The following MAN1C1 variants were observed in gnomAD, a reference collection of about 807,000 sequenced individuals.
The protein encoded by MAN1C1 is mannosidase alpha class 1C member 1.
Under a neutral mutation model 71.5 loss-of-function variants are expected in MAN1C1, and 49 were observed. The observed-to-expected ratio is 0.69, with a 90% CI of 0.54 to 0.87. The LOEUF (loss-of-function observed/expected upper bound fraction) is 0.87, where lower values mean the gene tolerates loss of function less well. MAN1C1 is among the 40% of genes least tolerant of loss of function. MAN1C1 has a pLI of 0.00. For synonymous variants in MAN1C1, 352 were observed against 343.7 expected, an observed-to-expected ratio of 1.02 and a Z score of -0.27; for missense variants, 743 against 835.0, an observed-to-expected ratio of 0.89 and a Z score of 1.36.
intron 8 of MAN1C1, 107 bp from the exon 9 acceptor site, chr1:25,777,998 A>T: frequency 1.2e-6 from 1 of 834,096 alleles, no homozygotes; most frequent in Non-Finnish European, 1.8e-6. Context: ...GGCTTGGCAG[A>T]GCTGCCCTTG....
intron 1 of MAN1C1, among the ~76,000 whole-genome samples, chr1:25,663,785 A>G (rs1018247425): frequency 5.3e-5 from 8 of 152,304 alleles, no homozygotes; most frequent in South Asian, 2.1e-4. Flanking sequence ...GCAGAGTGGT[A>G]GCACTCTATA....
chr1:25,664,150 G>T (rs575320725), intron 1 of MAN1C1, among the ~76,000 whole-genome samples: 173 of 152,204 alleles, frequency 1.1e-3, no homozygotes, highest in African/African-American at 4.0e-3. Flanking sequence ...CCCTCCACAC[G>T]CTCTGTGGTC....
intron 1 of MAN1C1, among the ~76,000 whole-genome samples, chr1:25,622,186 C>T (rs1034626117): frequency 6.6e-6 from 1 of 152,162 alleles, no homozygotes; most frequent in Non-Finnish European, 1.5e-5. Context: ...GCTGTTGGCC[C>T]AGTGTTCTTA....
chr1:25,758,954 G>C, intron 6 of MAN1C1: 1 of 491,730 alleles, frequency 2.0e-6, no homozygotes, highest in Non-Finnish European at 3.7e-6. Flanking sequence ...ACAAGATTCT[G>C]CCGGGGAAAA....
At chr1:25,656,909 T>C (rs1349902546) in intron 1 of MAN1C1, among the ~76,000 whole-genome samples, 1 of 151,604 alleles carries the variant, frequency 6.6e-6, no homozygotes, top group African/African-American at 2.4e-5. Flanking sequence ...CACTTCAAGC[T>C]CCGCCTCCTG....
intron 1 of MAN1C1, among the ~76,000 whole-genome samples, chr1:25,664,282 T>C (rs1347884667): frequency 6.6e-6 from 1 of 151,860 alleles, no homozygotes; most frequent in Non-Finnish European, 1.5e-5. Context: ...TTAATTTTAA[T>C]CCCTATTTTT....
intron 1 of MAN1C1, among the ~76,000 whole-genome samples, chr1:25,662,964 C>A (rs1369426795): frequency 1.3e-5 from 2 of 151,484 alleles, no homozygotes; most frequent in Non-Finnish European, 2.9e-5. Flanking sequence ...GAGGCTGAGG[C>A]AGAAGAATTG....
intron 1 of MAN1C1, among the ~76,000 whole-genome samples, chr1:25,620,575 A>T (rs866418287): frequency 6.6e-6 from 1 of 152,192 alleles, no homozygotes; most frequent in Non-Finnish European, 1.5e-5. Flanking sequence ...CGTCATGCCC[A>T]GGGGTAGATC....
At chr1:25,750,573 C>T (rs1375345200) in intron 4 of MAN1C1, among the ~76,000 whole-genome samples, 1 of 152,174 alleles carries the variant, frequency 6.6e-6, no homozygotes, top group African/African-American at 2.4e-5. Context: ...GTGAAGGTGC[C>T]AGGGGCTGAA....
chr1:25,725,528 A>C lies in MAN1C1; in HGVS notation c.638-21140A>C, dbSNP rs1229547910. ...GAGGAGGGCATTCTAGGTAAAGGGC[A>C]CAGCACGTGCAAGGGCATGGTGGCG... is the stretch of plus-strand genomic sequence containing the variant. On this transcript the variant is annotated intron_variant, in intron 2 of 11. Transcript: ENST00000374332. The surrounding 1 kb of genome is among the most constrained non-coding windows in gnomAD (Gnocchi z 4.8). Among the ~76,000 whole-genome samples the C allele has an allele frequency of 6.6e-6, 1 of 152,226 alleles. No individual in the cohort carries two copies. The highest frequency in any genetic ancestry group is 6.5e-5 in the Admixed American group (1 of 15,284).
chr1:25,779,060 AC>A lies in MAN1C1; in HGVS notation c.1477+740del, dbSNP rs929930736. 2.6e-5 allele frequency among the ~76,000 whole-genome samples: 4 copies of A among 152,026 alleles called. No homozygotes were observed. The highest frequency in any genetic ancestry group is 9.7e-5 in the African/African-American group (4 of 41,402). On this transcript the variant is annotated intron_variant, in intron 9 of 11. Coordinates refer to ENST00000374332, the MANE Select transcript of MAN1C1 (RefSeq NM_020379.4). The surrounding 1 kb of genome is among the most constrained non-coding windows in gnomAD (Gnocchi z 4.6). Reference sequence around the variant, plus strand: ...TGGTTCCACCCCGTGCGCAAACTGCACCCCTCAGAAAAATCCCCAGCCCCCG... The same window carrying A: ...TGGTTCCACCCCGTGCGCAAACTGCACCCTCAGAAAAATCCCCAGCCCCCG...
At chr1:25,620,419 C>G (rs1303300128) in intron 1 of MAN1C1, among the ~76,000 whole-genome samples, 8 of 150,776 alleles carry the variant, frequency 5.3e-5, no homozygotes, top group Admixed American at 5.3e-4. Context: ...TGCCACTGAC[C>G]ACGCTCTCAC....
intron 2 of MAN1C1, among the ~76,000 whole-genome samples, chr1:25,710,984 G>A (rs1306793613): frequency 6.6e-6 from 1 of 152,132 alleles, no homozygotes; most frequent in African/African-American, 2.4e-5. Flanking sequence ...CGGTTGCTGT[G>A]TAACAAACCA....
intron 2 of MAN1C1, among the ~76,000 whole-genome samples, chr1:25,695,892 C>T (rs1475478673): frequency 2.0e-5 from 3 of 152,348 alleles, no homozygotes; most frequent in African/African-American, 7.2e-5. Context: ...TGTCTCTGCC[C>T]AGGGTTCTGT....
chr1:25,689,209 C>G (rs1366476544), intron 2 of MAN1C1, among the ~76,000 whole-genome samples: 1 of 152,128 alleles, frequency 6.6e-6, no homozygotes, highest in African/African-American at 2.4e-5. Flanking sequence ...ACTGGCAACC[C>G]TTCCTGGAGC....
chr1:25,778,233 C>T lies in MAN1C1; in HGVS notation c.1386C>T (p.Gly462=), dbSNP rs756727309. 1.9e-5 allele frequency: 30 copies of T among 1,613,912 alleles called. No individual in the cohort carries two copies. The highest frequency in any genetic ancestry group is 1.7e-4 in the African/African-American group (13 of 74,916). The change falls in exon 9 of 12, where the codon GGC becomes GGT. Residue 462 remains glycine (G), a synonymous_variant. Coordinates refer to ENST00000374332, the MANE Select transcript of MAN1C1 (RefSeq NM_020379.4). The surrounding 1 kb of genome is among the most constrained non-coding windows in gnomAD (Gnocchi z 5.5). The part of the protein sequence containing the change: ...ACFSGGMIAL[G]AEDAKEEKRA... ...TCTCCGGGGGCATGATCGCCCTTGGCGCCGAGGATGCCAAGGAAGAAAAGA... is the reference window on the plus strand; with the variant it reads ...TCTCCGGGGGCATGATCGCCCTTGGTGCCGAGGATGCCAAGGAAGAAAAGA...
intron 2 of MAN1C1, among the ~76,000 whole-genome samples, chr1:25,691,315 AAACAAC>A (rs1163897960): frequency 1.3e-5 from 2 of 152,166 alleles, no homozygotes; most frequent in African/African-American, 4.8e-5. Flanking sequence ...TCTGTCTCAA[AAACAAC>A]AACAACAACA....
chr1:25,764,947 C>A lies in MAN1C1; in HGVS notation c.1141+980C>A, dbSNP rs191228960. Among the ~76,000 whole-genome samples, 13 of 152,086 alleles carry A rather than the reference C, an allele frequency of 8.5e-5. No individual in the cohort carries two copies. The East Asian group carries it at 2.3e-3, about 27-fold the overall frequency. ...TCTCTAGTCCCAGCTACTCAGGAGG[C>A]TGAGGCAGGAGAATCGCTTGAACCC... On this transcript the variant is annotated intron_variant, in intron 7 of 11. Transcript: ENST00000374332. This position sits in a 1 kb window ranked among gnomAD's most constrained non-coding sequence, Gnocchi z 4.4.
intron 2 of MAN1C1, among the ~76,000 whole-genome samples, chr1:25,707,957 T>C (rs1363468791): frequency 6.6e-6 from 1 of 152,188 alleles, no homozygotes; most frequent in Non-Finnish European, 1.5e-5. Context: ...TCAGAAGTCA[T>C]GAACTGGCTG....
Sources: gnomAD v4.1 joint callset for allele counts (sites outside exome capture counted in the v4.1 genomes callset) on GRCh38, gnomAD v4.1.1 for gene constraint, Gnocchi (gnomAD v3.1) non-coding constraint, MANE v1.5 for transcripts, NCBI Gene and HGNC (gene_info 2026-07-23, HGNC 2026-07-21) for gene names.